Variants in SBNO2 observed in about 807,000 individuals in gnomAD.
SBNO2 encodes the protein strawberry notch homolog 2.
A neutral mutation model predicts 146.3 loss-of-function variants in SBNO2; 89 were observed. That is an observed-to-expected ratio of 0.61 (90% CI 0.51 to 0.73). SBNO2 has a LOEUF of 0.73. Ranked by LOEUF, SBNO2 falls within the 30% of genes least tolerant of loss-of-function variation. The pLI, the probability that SBNO2 is intolerant of heterozygous loss-of-function variation, is 0.00. For missense variants in SBNO2, 2,092 were observed against 2,003.7 expected (o/e 1.04, Z -0.84); for synonymous variants, 1,147 against 892.6 (o/e 1.29, Z -5.08).
chr19:1,164,260 C>G (rs2080379425), intron 1 of SBNO2, among the ~76,000 whole-genome samples: 1 of 152,190 alleles, frequency 6.6e-6, no homozygotes, highest in African/African-American at 2.4e-5. Flanking sequence ...ACAGCTTGAG[C>G]GGGTGGCCGA....
At chr19:1,155,820 G>A (rs2080285089) in intron 1 of SBNO2, among the ~76,000 whole-genome samples, 1 of 152,164 alleles carries the variant, frequency 6.6e-6, no homozygotes, top group African/African-American at 2.4e-5. Context: ...GCCCACCAGT[G>A]CTAGGGGGTG....
In SBNO2 at chr19:1,119,519, T is replaced by G; in HGVS notation, c.1370A>C (p.Lys457Thr). ...CGTGGGTGAGAAGGGCACTCACCTC[T>G]TCTCGATGGCGTGCAGGAACTCCTC... ...NFEEFLHAIEKRGVGAMEIVA... is the reference protein window; with the variant it reads ...NFEEFLHAIETRGVGAMEIVA... Residue 457 changes from lysine to threonine, a missense_variant, in exon 13 of 32, where the codon AAG (lysine) becomes ACG (threonine). Lys to Thr is a moderately conservative substitution (Grantham distance 78). Coordinates refer to ENST00000361757, the MANE Select transcript of SBNO2 (RefSeq NM_014963.3). The G allele has an allele frequency of 6.4e-7, 1 of 1,562,198 alleles. No homozygotes were observed. Among genetic ancestry groups the G allele is most frequent in the Non-Finnish European group, 8.8e-7 (1 of 1,137,976 alleles).
At chr19:1,166,617 GCACACA>G (rs71932539) in intron 1 of SBNO2, among the ~76,000 whole-genome samples, 87,624 of 136,104 alleles carry the variant, frequency 0.64, 25,590 homozygotes, top group Non-Finnish European at 0.68. Flanking sequence ...AACTGCACGC[GCACACA>G]CACACACACA....
intron 1 of SBNO2, among the ~76,000 whole-genome samples, chr19:1,167,719 G>A (rs991947289): frequency 3.1e-4 from 47 of 152,314 alleles, no homozygotes; most frequent in Admixed American, 2.2e-3. Context: ...ACGGCTCCAG[G>A]GGGTGGGGGG....
chr19:1,145,152 G>A (rs1199686491), intron 4 of SBNO2, among the ~76,000 whole-genome samples: 1 of 151,886 alleles, frequency 6.6e-6, no homozygotes, highest in South Asian at 2.1e-4. Flanking sequence ...AGGGGGAAGA[G>A]GGAGAGAGAG....
chr19:1,166,478 C>T (rs1169548690), intron 1 of SBNO2, among the ~76,000 whole-genome samples: 2 of 152,092 alleles, frequency 1.3e-5, no homozygotes, highest in African/African-American at 2.4e-5. Flanking sequence ...GTGAGGAGCC[C>T]GCTCGGGTCT....
chr19:1,115,778 C>T (rs1181569645), intron 17 of SBNO2: 4 of 573,714 alleles, frequency 7.0e-6, no homozygotes, highest in South Asian at 4.2e-5. Context: ...CCCCGGGTCT[C>T]GCTCGGCACC....
Position 1,108,143 on chromosome 19 carries a change from T to C in SBNO2, c.*77A>G. The C allele has an allele frequency of 2.1e-6, 3 of 1,401,978 alleles. No homozygotes were observed. Among genetic ancestry groups the C allele is most frequent in the Non-Finnish European group, 2.8e-6 (3 of 1,059,602 alleles). The allele number at this position is 1,401,978 out of a possible 1,614,324, so 86.8% of individuals were successfully genotyped here. A position where few individuals can be genotyped will look rare whatever the true frequency, so the allele number is the denominator to read the frequency against. Reference sequence around the variant, plus strand: ...TCCTCTGAGCAGTGGTCAGGGGACCTTGGCCCTGCTCCCCACCGCTGCTCC... The same window carrying C: ...TCCTCTGAGCAGTGGTCAGGGGACCCTGGCCCTGCTCCCCACCGCTGCTCC... On this transcript the variant is annotated 3_prime_UTR_variant, in exon 32 of 32. Transcript: ENST00000361757.
In SBNO2 at chr19:1,114,283, C is replaced by T. The variant is rs1174839401; in HGVS notation, c.2025G>A (p.Val675=). The T allele has an allele frequency of 1.3e-5, 20 of 1,550,294 alleles. No individual in the cohort carries two copies. The highest frequency in any genetic ancestry group is 1.7e-6 in the Non-Finnish European group (2 of 1,146,916). The change falls in exon 18 of 32, where the codon GTG becomes GTA. Residue 675 remains valine, a synonymous_variant. Transcript: ENST00000361757. ...CATCAACGATGACAACGTCGTCATC[C>T]ACCAGGGACTCGGGGGAGGAGTTGA... ...SDFNSSPESL[V]DDDVVIVDAV... is the part of the protein sequence containing the mutation.
In SBNO2 at chr19:1,134,534, G is replaced by A. The variant is rs376427791; in HGVS notation, c.280-6769C>T. On this transcript the variant is annotated intron_variant, in intron 4 of 31. Coordinates refer to ENST00000361757, the MANE Select transcript of SBNO2 (RefSeq NM_014963.3). ...GAGGACCTCACACTCAGTGAAAGAC[G>A]CCAAACACAGAAGGCCACGCAGTGT... Among the ~76,000 whole-genome samples the A allele has an allele frequency of 1.6e-4, 24 of 149,594 alleles. No individual in the cohort carries two copies. In the South Asian group the frequency reaches 3.9e-3, roughly 25 times the overall value.
rs2145303881 is a variant in SBNO2 at position 1,149,459 on chromosome 19, G to A, written c.94-17C>T. On this transcript the variant is annotated splice_polypyrimidine_tract_variant and intron_variant, in intron 2 of 31. Transcript: ENST00000361757. The stretch of plus-strand genomic sequence containing the variant: ...CATGGCGCTCTAGAAGAGACAGCGG[G>A]CATCAGTGAGTGGGAAGCAGAGGAC... 1.9e-6 allele frequency: 3 copies of A among 1,549,738 alleles called. No homozygotes were observed. Among genetic ancestry groups the A allele is most frequent in the East Asian group, 2.4e-5 (1 of 41,042 alleles).
At chr19:1,146,042 A>C (rs2080186592) in intron 4 of SBNO2, among the ~76,000 whole-genome samples, 1 of 152,002 alleles carries the variant, frequency 6.6e-6, no homozygotes. Flanking sequence ...GGGCTCCAGG[A>C]GAAACTGACC....
At chr19:1,113,393 C>A (rs1351745386) in intron 19 of SBNO2, 142 bp downstream of exon 19, 3 of 759,780 alleles carry the variant, frequency 3.9e-6, no homozygotes, top group Non-Finnish European at 6.1e-6. Flanking sequence ...TGCCCCAGGG[C>A]TCCCCAAACG....
At chr19:1,118,364 G>A (rs79391703) in intron 14 of SBNO2, among the ~76,000 whole-genome samples, 6 of 151,826 alleles carry the variant, frequency 4.0e-5, no homozygotes, top group East Asian at 3.9e-4. Flanking sequence ...AAAAACCATC[G>A]AACATACAGG....
intron 1 of SBNO2, among the ~76,000 whole-genome samples, chr19:1,165,181 A>G (rs536437740): frequency 2.0e-5 from 3 of 152,260 alleles, no homozygotes; most frequent in South Asian, 4.1e-4. Context: ...CCTGCCTGAC[A>G]TCTGACCCCG....
rs1331416286 is a variant in SBNO2, at chr19:1,157,732, C to G, written c.-126-3330G>C. 6.6e-6 allele frequency among the ~76,000 whole-genome samples: 1 copy of G among 152,134 alleles called. No individual in the cohort carries two copies. Among genetic ancestry groups the G allele is most frequent in the East Asian group, 1.9e-4 (1 of 5,200 alleles). On this transcript the variant is annotated intron_variant, in intron 1 of 31. Transcript: ENST00000361757. The surrounding 1 kb of genome is among the most constrained non-coding windows in gnomAD (Gnocchi z 6.8). Reference sequence around the variant, plus strand: ...GTGCTGGTGGCCCAGACAGGACAACCACTGGGAAGGCAGAACCTCAGACAG... The same window carrying G: ...GTGCTGGTGGCCCAGACAGGACAACGACTGGGAAGGCAGAACCTCAGACAG...
In SBNO2 at chr19:1,140,469, G is replaced by C. The variant is rs1285690971; in HGVS notation, c.279+6840C>G. Among the ~76,000 whole-genome samples the C allele has an allele frequency of 6.6e-6, 1 of 152,206 alleles. No individual in the cohort carries two copies. Among genetic ancestry groups the C allele is most frequent in the Non-Finnish European group, 1.5e-5 (1 of 68,028 alleles). On this transcript the variant is annotated intron_variant, in intron 4 of 31. Coordinates refer to ENST00000361757, the MANE Select transcript of SBNO2 (RefSeq NM_014963.3). The surrounding 1 kb of genome is among the most constrained non-coding windows in gnomAD (Gnocchi z 4.4). The stretch of plus-strand genomic sequence containing the variant: ...CAACCTGGAGACGGAAGGCTGAGCA[G>C]AAGTGAGGGGGGCCCTTCCTCCGGG...
At chr19:1,161,927 T>TGGGGGGGGGG (rs1568638145) in intron 1 of SBNO2, among the ~76,000 whole-genome samples, 1 of 8,214 alleles carries the variant, frequency 1.2e-4, no homozygotes, top group Non-Finnish European at 2.1e-4. Flanking sequence ...GGGGGGGGGT[T>TGGGGGGGGGG]GGGCCAGGCC....
chr19:1,133,932 C>A (rs948710756), intron 4 of SBNO2, among the ~76,000 whole-genome samples: 49 of 152,252 alleles, frequency 3.2e-4, no homozygotes, highest in African/African-American at 1.1e-3. Context: ...GGAGTAACAA[C>A]CCAGCAGCTG....
Sources: gnomAD v4.1 joint callset for allele counts (sites outside exome capture counted in the v4.1 genomes callset) on GRCh38, gnomAD v4.1.1 for gene constraint, Gnocchi (gnomAD v3.1) non-coding constraint, MANE v1.5 for transcripts, NCBI Gene and HGNC (gene_info 2026-07-23, HGNC 2026-07-21) for gene names.